TNR: variants seen among roughly 807,000 people sequenced by gnomAD.
TNR encodes the protein tenascin R, also known as tenascin-R.
TNR carries 45 observed loss-of-function variants against 150.4 expected under a neutral mutation model. The observed-to-expected ratio is 0.30, with a 90% confidence interval of 0.24 to 0.38. The LOEUF is 0.38. TNR is among the 10% of genes least tolerant of loss of function. TNR has a pLI of 1.00. For missense variants in TNR, 1,544 were observed against 1,759.1 expected (o/e 0.88, Z 2.19); for synonymous variants, 687 against 678.4 (o/e 1.01, Z -0.20).
intron 2 of TNR, among the ~76,000 whole-genome samples, chr1:175,421,830 C>A (rs191129982): frequency 2.6e-5 from 4 of 152,272 alleles, no homozygotes; most frequent in Admixed American, 2.6e-4. Context: ...GATTATATGC[C>A]CCAGAGCTTG....
intron 1 of TNR, among the ~76,000 whole-genome samples, chr1:175,621,979 T>G (rs1195456507): frequency 6.6e-6 from 1 of 152,244 alleles, no homozygotes; most frequent in Non-Finnish European, 1.5e-5. Flanking sequence ...CAGGTTTAGT[T>G]CCGTCTCTTT....
intron 1 of TNR, among the ~76,000 whole-genome samples, chr1:175,712,091 C>T (rs1667034577): frequency 6.6e-6 from 1 of 152,052 alleles, no homozygotes; most frequent in South Asian, 2.1e-4. Flanking sequence ...TCATCTCTAC[C>T]CCACTATTGA....
chr1:175,370,788 A>G (rs1652067363), intron 9 of TNR, among the ~76,000 whole-genome samples: 1 of 152,164 alleles, frequency 6.6e-6, no homozygotes, highest in Non-Finnish European at 1.5e-5. Context: ...CAGAAATTAT[A>G]CGTTGCCAAA....
chr1:175,316,415 A>AAGG lies in TNR; in HGVS notation c.*6939_*6941dup, dbSNP rs375427988. ...GGTGTTTGTACCCCTGGGAGTCTGG[A>AAGG]AGGAGGTAGCCTAAATCAGTCTACA... On this transcript the variant is annotated 3_prime_UTR_variant, in exon 23 of 23. Coordinates refer to ENST00000367674, the MANE Select transcript of TNR (RefSeq NM_003285.3). 2.3e-3 allele frequency: 348 copies of AAGG among 152,332 alleles called. 3 individuals carry two copies. The highest frequency in any genetic ancestry group is 8.0e-3 in the African/African-American group (334 of 41,574). 9.4% of individuals were successfully genotyped at this position (152,332 alleles called of 1,614,324 possible). A position where few individuals can be genotyped will look rare whatever the true frequency, so the allele number is the denominator to read the frequency against.
chr1:175,460,237 G>C (rs859375), intron 2 of TNR, among the ~76,000 whole-genome samples: 104,992 of 151,918 alleles, frequency 0.69, 36,670 homozygotes, highest in African/African-American at 0.8. Context: ...AAAGTGACAC[G>C]TGCCCAAGGT....
At chr1:175,606,727 C>T (rs1663418851) in intron 1 of TNR, among the ~76,000 whole-genome samples, 1 of 152,172 alleles carries the variant, frequency 6.6e-6, no homozygotes, top group South Asian at 2.1e-4. Context: ...TCTCTGTGCC[C>T]AGTTATCCTC....
intron 2 of TNR, among the ~76,000 whole-genome samples, chr1:175,526,089 C>A (rs859363): frequency 0.19 from 28,684 of 151,636 alleles, 2,951 homozygotes; most frequent in African/African-American, 0.26. Context: ...AGTTGAAAGG[C>A]TATATCTATT....
intron 2 of TNR, among the ~76,000 whole-genome samples, chr1:175,465,225 T>G (rs1656981479): frequency 6.6e-6 from 1 of 152,196 alleles, no homozygotes; most frequent in African/African-American, 2.4e-5. Context: ...GCAAGTTTCC[T>G]TCTTTTGGTC....
chr1:175,480,458 A>AAAGAAAGAAAGAAAGAAAGAAAGAAAGAG (rs1557959794), intron 2 of TNR, among the ~76,000 whole-genome samples: 1 of 143,752 alleles, frequency 7.0e-6, no homozygotes, highest in African/African-American at 2.7e-5. Flanking sequence ...AGAAAGAAAG[A>AAAGAAAGAAAGAAAGAAAGAAAGAAAGAG]AAAGAAAAAA....
At chr1:175,361,738 C>T (rs983462492) in intron 14 of TNR, among the ~76,000 whole-genome samples, 2 of 152,166 alleles carry the variant, frequency 1.3e-5, no homozygotes, top group Admixed American at 6.5e-5. Context: ...TGTTTTCCCA[C>T]GTGCTGTGGG....
At chr1:175,423,453 A>G (rs1393021290) in intron 2 of TNR, among the ~76,000 whole-genome samples, 1 of 152,174 alleles carries the variant, frequency 6.6e-6, no homozygotes, top group Non-Finnish European at 1.5e-5. Flanking sequence ...CAGGGTATAG[A>G]TGAGTACAAT....
At chr1:175,357,516 C>T (rs546554263) in intron 15 of TNR, among the ~76,000 whole-genome samples, 2 of 152,102 alleles carry the variant, frequency 1.3e-5, no homozygotes, top group South Asian at 4.2e-4. Context: ...TTAATGTCCC[C>T]CTTTGCACAT....
chr1:175,615,505 G>A (rs1663743298), intron 1 of TNR, among the ~76,000 whole-genome samples: 1 of 152,210 alleles, frequency 6.6e-6, no homozygotes, highest in Admixed American at 6.5e-5. Context: ...AATGCCTGGA[G>A]GAGTAGGGGT....
rs1413671680 is a variant in TNR, at chr1:175,367,090, A to G, written c.2053+118T>C. On this transcript the variant is annotated intron_variant, in intron 10 of 22. Coordinates refer to ENST00000367674, the MANE Select transcript of TNR (RefSeq NM_003285.3). ...TGTTTCTAGGCTGACAGTTGTCACCAGAGCCCTGTTCACTGGAAGACATTG... is the reference window on the plus strand; with the variant it reads ...TGTTTCTAGGCTGACAGTTGTCACCGGAGCCCTGTTCACTGGAAGACATTG... The G allele has an allele frequency of 6.1e-6, 5 of 815,180 alleles. No individual in the cohort carries two copies. In the East Asian group the frequency reaches 1.3e-4, roughly 21 times the overall value. 50.5% of individuals were successfully genotyped at this position (815,180 alleles called of 1,614,324 possible). A position where few individuals can be genotyped will look rare whatever the true frequency, so the allele number is the denominator to read the frequency against.
At chr1:175,605,587 G>A (rs565640527) in intron 1 of TNR, among the ~76,000 whole-genome samples, 30 of 152,308 alleles carry the variant, frequency 2.0e-4, no homozygotes, top group Middle Eastern at 3.4e-3. Flanking sequence ...TTAAATGCTA[G>A]GATGAAGGAA....
At chr1:175,345,545 G>A (rs1405730230) in intron 18 of TNR, among the ~76,000 whole-genome samples, 1 of 152,062 alleles carries the variant, frequency 6.6e-6, no homozygotes, top group African/African-American at 2.4e-5. Context: ...ACAGTTTAAA[G>A]TAAGAATACA....
At chr1:175,601,393 A>C (rs754187920) in intron 1 of TNR, among the ~76,000 whole-genome samples, 4 of 152,212 alleles carry the variant, frequency 2.6e-5, no homozygotes, top group Non-Finnish European at 5.9e-5. Context: ...TGGGGGACTT[A>C]GTGTGTGATC....
intron 1 of TNR, among the ~76,000 whole-genome samples, chr1:175,541,466 A>C (rs1263259143): frequency 1.3e-5 from 2 of 152,264 alleles, no homozygotes. Context: ...AATGGCAGGC[A>C]AGTATTTCAC....
At chr1:175,352,080 C>T (rs553412721) in intron 18 of TNR, among the ~76,000 whole-genome samples, 1 of 152,290 alleles carries the variant, frequency 6.6e-6, no homozygotes, top group South Asian at 2.1e-4. Flanking sequence ...CCTACTGAGG[C>T]CCCAGGTGGA....
Sources: allele counts gnomAD v4.1 joint callset (sites outside exome capture counted in the v4.1 genomes callset), GRCh38; gene constraint gnomAD v4.1.1; transcripts MANE v1.5; gene names NCBI Gene and HGNC (gene_info 2026-07-23, HGNC 2026-07-21).